Variants in MMP3 observed in about 807,000 individuals in gnomAD.
MMP3 encodes the protein matrix metallopeptidase 3.
Under a neutral mutation model 47.3 loss-of-function variants are expected in MMP3, and 46 were observed. The observed-to-expected ratio is 0.97, with a 90% CI of 0.77 to 1.24. The LOEUF is 1.24. Among genes scored for constraint, MMP3 ranks in the 50% most tolerant of loss-of-function variants. The pLI, the probability that MMP3 is intolerant of heterozygous loss-of-function variation, is 0.00. For missense variants in MMP3, 558 were observed against 565.5 expected (o/e 0.99, Z 0.13); for synonymous variants, 216 against 206.5 (o/e 1.05, Z -0.39).
In MMP3 at chr11:102,838,666, A is replaced by G. The variant is rs1858931957; in HGVS notation, c.1114T>C (p.Tyr372His). 4 of 1,613,908 alleles carry G rather than the reference A, an allele frequency of 2.5e-6. No individual in the cohort carries two copies. Among genetic ancestry groups the G allele is most frequent in the Non-Finnish European group, 1.7e-6 (2 of 1,179,910 alleles). The change falls in exon 8 of 10, where the codon TAC becomes CAC. Residue 372 changes from tyrosine (Y) to histidine (H), a missense_variant. By Grantham distance (83) the Tyr-to-His change is moderately conservative (BLOSUM62 2). Transcript: ENST00000299855. ...CCTAGGGTGTGGATGCCTCTTGGGT[A>G]TCCAGCTCGTACCTCATTTCCTCTG... ...AIRGNEVRAG[Y>H]PRGIHTLGFP...
chr11:102,837,296 AC>A lies in MMP3; in HGVS notation c.1333+1del, dbSNP rs1858900193. 2 of 1,610,396 alleles carry A rather than the reference AC, an allele frequency of 1.2e-6. No individual in the cohort carries two copies. The highest frequency in any genetic ancestry group is 4.5e-5 in the East Asian group (2 of 44,844). On this transcript the variant is annotated splice_donor_variant, in intron 9 of 9. Transcript: ENST00000299855. LOFTEE classifies it high-confidence loss of function. This position sits in a 1 kb window ranked among gnomAD's most constrained non-coding sequence, Gnocchi z 4.4. ...TGGCCAACACAGTAAGTATCCTCTT[AC>A]CAAATTCTTCAAAAACAGCATCAAT...
rs1555005030 is a variant in MMP3, at chr11:102,839,103, T to A, written c.1069+7A>T. ...GCAAGTTAAACAAATGATGATATAG[T>A]AATTACCTTTAAAAATGAAAACGAG... On this transcript the variant is annotated splice_region_variant and intron_variant, in intron 7 of 9. Transcript: ENST00000299855. 2.5e-6 allele frequency: 4 copies of A among 1,611,110 alleles called. No homozygotes were observed.
In MMP3 at chr11:102,840,256, A is replaced by T; in HGVS notation, c.791-4T>A. The stretch of plus-strand genomic sequence containing the variant: ...TCAGGGGAGTCAGGGGGAGGTCCTA[A>T]AGGGAACATTAGGGGAAATGTGATA... On this transcript the variant is annotated splice_region_variant and splice_polypyrimidine_tract_variant and intron_variant, in intron 5 of 9. Transcript: ENST00000299855. 1.2e-6 allele frequency: 2 copies of T among 1,612,284 alleles called. No homozygotes were observed. The highest frequency in any genetic ancestry group is 1.7e-6 in the Non-Finnish European group (2 of 1,179,496).
intron 3 of MMP3, 27 bp downstream of exon 3, chr11:102,842,396 TTGTTTTGC>T (rs61684215): frequency 0.017 from 23,570 of 1,348,216 alleles, 1,186 homozygotes; most frequent in Admixed American, 0.078. Flanking sequence ...TTGTTTTGTT[TTGTTTTGC>T]TTTTTTTTTT....
At chr11:102,838,243 G>A (rs1156822572) in intron 8 of MMP3, among the ~76,000 whole-genome samples, 1 of 152,136 alleles carries the variant, frequency 6.6e-6, no homozygotes, top group Non-Finnish European at 1.5e-5. Flanking sequence ...GCTGCATGGA[G>A]GTGATGAGAC....
rs782542331 is a variant in MMP3, at chr11:102,842,499, A to G, written c.431T>C (p.Val144Ala). ...CAGCCTGGAGAATGTGAGTGGAGTC[A>G]CCTCTTCCCAGACTTTCAGAGCTTT... Reference protein sequence around the residue: ...VEKALKVWEEVTPLTFSRLYE... With the variant: ...VEKALKVWEEATPLTFSRLYE... The change falls in exon 3 of 10, where the codon GTG (valine) becomes GCG (alanine). Residue 144 changes from valine to alanine, a missense_variant. By Grantham distance (64) the Val-to-Ala change is moderately conservative. Coordinates refer to ENST00000299855, the MANE Select transcript of MMP3 (RefSeq NM_002422.5). The G allele has an allele frequency of 6.3e-7, 1 of 1,597,324 alleles. No individual in the cohort carries two copies. The highest frequency in any genetic ancestry group is 1.1e-5 in the South Asian group (1 of 90,640).
rs782746152 is a variant in MMP3 at position 102,837,451 on chromosome 11, C to T, written c.1230-50G>A. On this transcript the variant is annotated intron_variant, in intron 8 of 9. Transcript: ENST00000299855. This position sits in a 1 kb window ranked among gnomAD's most constrained non-coding sequence, Gnocchi z 4.4. ...CAGCATTGCATAGAGGCCATGTTAC[C>T]GAACATCTTAGATCATGTTAGGTTT... The T allele has an allele frequency of 2.9e-5, 38 of 1,330,032 alleles. No individual in the cohort carries two copies. Among genetic ancestry groups the T allele is most frequent in the East Asian group, 9.2e-5 (4 of 43,418 alleles). The allele number at this position is 1,330,032 out of a possible 1,614,324, so 82.4% of individuals were successfully genotyped here. A position where few individuals can be genotyped will look rare whatever the true frequency, so the allele number is the denominator to read the frequency against.
chr11:102,838,760 C>A (rs782372715), intron 7 of MMP3, 50 bp from the exon 8 acceptor site: 1 of 1,551,392 alleles, frequency 6.4e-7, no homozygotes, highest in Non-Finnish European at 8.8e-7. Flanking sequence ...ACAGTTAAGC[C>A]CTTTCGCTTT....
At chr11:102,840,383 C>A in intron 5 of MMP3, 46 bp downstream of exon 5, 1 of 1,602,730 alleles carries the variant, frequency 6.2e-7, no homozygotes, top group Non-Finnish European at 8.5e-7. Context: ...CTTCTGAAGA[C>A]CATCATTGCA....
Position 102,836,045 on chromosome 11 carries a change from A to G in MMP3, c.*81T>C, listed in dbSNP as rs1417192489. The G allele has an allele frequency of 4.6e-6, 5 of 1,083,800 alleles. No homozygotes were observed. Among genetic ancestry groups the G allele is most frequent in the East Asian group, 2.4e-5 (1 of 41,972 alleles). 67.1% of individuals were successfully genotyped at this position (1,083,800 alleles called of 1,614,324 possible). A position where few individuals can be genotyped will look rare whatever the true frequency, so the allele number is the denominator to read the frequency against. ...TCACAGCACAGGCAGGAGAAAACGA[A>G]CATTTCAATTCACAGAGACTTAGGT... On this transcript the variant is annotated 3_prime_UTR_variant, in exon 10 of 10. Coordinates refer to ENST00000299855, the MANE Select transcript of MMP3 (RefSeq NM_002422.5). This position sits in a 1 kb window ranked among gnomAD's most constrained non-coding sequence, Gnocchi z 4.6.
rs1237642319 is a variant in MMP3 at position 102,837,089 on chromosome 11, C to A, written c.1333+209G>T. On this transcript the variant is annotated intron_variant, in intron 9 of 9. Transcript: ENST00000299855. The surrounding 1 kb of genome is among the most constrained non-coding windows in gnomAD (Gnocchi z 4.4). ...TATATGCATGTATAAGATAAAGTAG[C>A]GAGATTTGTGTAATTATCTTTATGG... Among the ~76,000 whole-genome samples, 1 of 152,066 alleles carries A rather than the reference C, an allele frequency of 6.6e-6. No individual in the cohort carries two copies. The highest frequency in any genetic ancestry group is 2.4e-5 in the African/African-American group (1 of 41,408).
At chr11:102,838,271 G>A (rs907316542) in intron 8 of MMP3, among the ~76,000 whole-genome samples, 1 of 152,126 alleles carries the variant, frequency 6.6e-6, no homozygotes, top group East Asian at 1.9e-4. Flanking sequence ...AGGACTTGAA[G>A]GATGGGCAAG....
chr11:102,839,856 A>C (rs1216207117), intron 6 of MMP3, among the ~76,000 whole-genome samples: 1 of 152,220 alleles, frequency 6.6e-6, no homozygotes, highest in Non-Finnish European at 1.5e-5. Flanking sequence ...TGCCTTTTGA[A>C]AAGTAACTGT....
At chr11:102,839,028 G>A (rs2134398690) in intron 7 of MMP3, 82 bp downstream of exon 7, 1 of 1,473,958 alleles carries the variant, frequency 6.8e-7, no homozygotes, top group East Asian at 2.3e-5. Flanking sequence ...AGAACTTGTA[G>A]TAGGGAAAAT....
Position 102,836,721 on chromosome 11 carries a change from A to G in MMP3, c.1334-495T>C, listed in dbSNP as rs1858889221. 3.0e-6 allele frequency: 1 copy of G among 331,274 alleles called. No individual in the cohort carries two copies. Among genetic ancestry groups the G allele is most frequent in the Admixed American group, 4.1e-5 (1 of 24,380 alleles). 20.5% of individuals were successfully genotyped at this position (331,274 alleles called of 1,614,324 possible). ...GGGGACCCTTTAGTGCTCTGCAAAC[A>G]TGGTGATCAGGTTACCTTTCAATAA... On this transcript the variant is annotated intron_variant, in intron 9 of 9. Transcript: ENST00000299855. This position sits in a 1 kb window ranked among gnomAD's most constrained non-coding sequence, Gnocchi z 4.6.
rs1858891393 is a variant in MMP3, at chr11:102,836,850, T to C, written c.1333+448A>G. On this transcript the variant is annotated intron_variant, in intron 9 of 9. Transcript: ENST00000299855. This position sits in a 1 kb window ranked among gnomAD's most constrained non-coding sequence, Gnocchi z 4.6. ...GGTAAGTATTTGCAAATGACTGGCA[T>C]GGGCAATGACTGACAACTCAGGAAA... 1 of 226,150 alleles carries C rather than the reference T, an allele frequency of 4.4e-6. No individual in the cohort carries two copies. The highest frequency in any genetic ancestry group is 5.3e-5 in the Admixed American group (1 of 18,884). The allele number at this position is 226,150 out of a possible 1,614,324, so 14.0% of individuals were successfully genotyped here.
chr11:102,839,279 A>T, intron 6 of MMP3, 36 bp from the exon 7 acceptor site: 3 of 1,611,504 alleles, frequency 1.9e-6, no homozygotes, highest in Non-Finnish European at 2.5e-6. Flanking sequence ...AAATTGAAAA[A>T]CAATCTTTCA....
chr11:102,839,426 G>A (rs1442197516), intron 6 of MMP3, among the ~76,000 whole-genome samples, 183 bp from the exon 7 acceptor site: 2 of 152,184 alleles, frequency 1.3e-5, no homozygotes, highest in Non-Finnish European at 2.9e-5. Flanking sequence ...AGACTGTAGT[G>A]AGTCTCCCGT....
chr11:102,839,304 T>G (rs978832335), intron 6 of MMP3, 61 bp from the exon 7 acceptor site: 32 of 1,597,910 alleles, frequency 2.0e-5, no homozygotes, highest in Non-Finnish European at 2.7e-5. Flanking sequence ...TAGAATATTT[T>G]CCTCACCGTC....
Sources: allele counts gnomAD v4.1 joint callset (sites outside exome capture counted in the v4.1 genomes callset), GRCh38; gene constraint gnomAD v4.1.1; non-coding constraint Gnocchi (gnomAD v3.1); transcripts MANE v1.5; gene names NCBI Gene and HGNC (gene_info 2026-07-23, HGNC 2026-07-21).